CHMP1A: variants seen among roughly 807,000 people sequenced by gnomAD.
CHMP1A encodes charged multivesicular body protein 1A, also known as VPS46 homolog A.
Under a neutral mutation model 27.0 loss-of-function variants are expected in CHMP1A, and 17 were observed. That is an observed-to-expected ratio of 0.63 (90% CI 0.43 to 0.95). CHMP1A has a LOEUF of 0.95. Among genes scored for constraint, CHMP1A ranks in the 40% least tolerant of loss-of-function variants. The pLI is 0.00. For missense variants in CHMP1A, 275 were observed against 264.0 expected (o/e 1.04, Z -0.29); for synonymous variants, 131 against 107.5 (o/e 1.22, Z -1.35).
intron 3 of CHMP1A, 111 bp downstream of exon 3, chr16:89,651,458 C>T (rs1333006475): frequency 9.0e-6 from 7 of 775,518 alleles, no homozygotes; most frequent in African/African-American, 7.0e-5. Context: ...GTAGAAAGTG[C>T]CCTGCCCCTC....
At chr16:89,649,595 A>G (rs1441685299) in intron 3 of CHMP1A, 98 bp from the exon 4 acceptor site, 2 of 1,445,038 alleles carry the variant, frequency 1.4e-6, no homozygotes, top group East Asian at 2.5e-5. Context: ...GTTTTGTTTG[A>G]GACGGAGTCT....
chr16:89,647,041 G>A (rs750013591), intron 5 of CHMP1A, 162 bp downstream of exon 5: 46 of 1,525,436 alleles, frequency 3.0e-5, no homozygotes, highest in Non-Finnish European at 3.7e-5. Flanking sequence ...CTACCTGTCA[G>A]GGTCCTGGCA....
In CHMP1A at chr16:89,649,370, G is replaced by T; in HGVS notation, c.233C>A (p.Thr78Lys). 1 of 1,613,412 alleles carries T rather than the reference G, an allele frequency of 6.2e-7. No homozygotes were observed. Among genetic ancestry groups the T allele is most frequent in the South Asian group, 1.1e-5 (1 of 91,064 alleles). The change falls in exon 4 of 7, where the codon ACA becomes AAA. Residue 78 changes from threonine to lysine, a missense_variant. Transcript: ENST00000397901. ...ACTCACCCCCTTCATAGTCACAGCT[G>T]TCTGCACCTTGGAGGCCACTGCGTC... ...RVDAVASKVQ[T>K]AVTMKGVTKN...
intron 6 of CHMP1A, 106 bp downstream of exon 6, chr16:89,646,420 AG>A (rs2059774078): frequency 1.6e-6 from 2 of 1,253,200 alleles, no homozygotes; most frequent in African/African-American, 3.0e-5. Context: ...CCCTGGTCGG[AG>A]CCTCAGCCCA....
chr16:89,654,715 G>A (rs547085104), intron 1 of CHMP1A, among the ~76,000 whole-genome samples: 22 of 152,226 alleles, frequency 1.4e-4, no homozygotes, highest in African/African-American at 4.8e-4. Flanking sequence ...GGCCGAGGCC[G>A]GCGGAACATG....
In CHMP1A at chr16:89,653,890, C is replaced by T. The variant is rs2059843995; in HGVS notation, c.27+14G>A. ...CCAGAACAGGGCTGGGGTGAACGGC[C>T]ATTCGGTACATACCTTCAACTGGAA... On this transcript the variant is annotated intron_variant, in intron 2 of 6. Transcript: ENST00000397901. 3 of 1,613,222 alleles carry T rather than the reference C, an allele frequency of 1.9e-6. No homozygotes were observed. Among genetic ancestry groups the T allele is most frequent in the Non-Finnish European group, 1.7e-6 (2 of 1,179,398 alleles).
chr16:89,657,571 C>T lies in CHMP1A; in HGVS notation c.7+11G>A. 4 of 1,610,928 alleles carry T rather than the reference C, an allele frequency of 2.5e-6. No individual in the cohort carries two copies. The highest frequency in any genetic ancestry group is 3.4e-6 in the Non-Finnish European group (4 of 1,179,196). ...CGCGCGAGTCCCCGGAGGACGGCCGCGACCTCTTACCGTCCATGGCCACAA... is the reference window on the plus strand; with the variant it reads ...CGCGCGAGTCCCCGGAGGACGGCCGTGACCTCTTACCGTCCATGGCCACAA... On this transcript the variant is annotated intron_variant, in intron 1 of 6. Coordinates refer to ENST00000397901, the MANE Select transcript of CHMP1A (RefSeq NM_002768.5).
chr16:89,647,061 C>G (rs910698249), intron 5 of CHMP1A, 142 bp downstream of exon 5: 1 of 1,532,416 alleles, frequency 6.5e-7, no homozygotes, highest in African/African-American at 1.4e-5. Flanking sequence ...AGGGACCCAG[C>G]ACAGAGGATG....
chr16:89,653,992 C>G (rs2059844759), intron 1 of CHMP1A, 69 bp from the exon 2 acceptor site: 1 of 1,525,034 alleles, frequency 6.6e-7, no homozygotes, highest in East Asian at 2.3e-5. Flanking sequence ...GCAGGCAGGA[C>G]TCACTAGGTT....
intron 5 of CHMP1A, 187 bp downstream of exon 5, chr16:89,647,016 G>A (rs959794903): frequency 1.2e-5 from 18 of 1,503,224 alleles, no homozygotes; most frequent in South Asian, 4.9e-5. Flanking sequence ...GGAGGCCCCC[G>A]CCGCCCTGCC....
intron 6 of CHMP1A, 39 bp from the exon 7 acceptor site, chr16:89,646,126 A>AG: frequency 6.6e-6 from 10 of 1,511,846 alleles, no homozygotes; most frequent in Non-Finnish European, 8.0e-6. Context: ...GGGCAGGGGA[A>AG]GGGGGCCTCT....
chr16:89,651,681 G>A, intron 2 of CHMP1A, 35 bp from the exon 3 acceptor site: 1 of 1,607,104 alleles, frequency 6.2e-7, no homozygotes, highest in African/African-American at 1.3e-5. Flanking sequence ...GGTCAGACAT[G>A]CGGAGCCCAT....
chr16:89,657,639 C>A lies in CHMP1A; in HGVS notation c.-51G>T. On this transcript the variant is annotated 5_prime_UTR_variant, in exon 1 of 7. Coordinates refer to ENST00000397901, the MANE Select transcript of CHMP1A (RefSeq NM_002768.5). ...GGAGAGGGAGAAGGGACGCCAACTCCGGGCGGTGTCAGGTCCCGGCGGCGA... is the reference window on the plus strand; with the variant it reads ...GGAGAGGGAGAAGGGACGCCAACTCAGGGCGGTGTCAGGTCCCGGCGGCGA... The A allele has an allele frequency of 6.2e-7, 1 of 1,607,742 alleles. No individual in the cohort carries two copies.
intron 3 of CHMP1A, 59 bp downstream of exon 3, chr16:89,651,510 C>T: frequency 6.6e-7 from 1 of 1,523,384 alleles, no homozygotes; most frequent in Middle Eastern, 1.7e-4. Flanking sequence ...AAAATAAGGG[C>T]AGAAAAGGAC....
At chr16:89,655,878 G>A (rs939772568) in intron 1 of CHMP1A, among the ~76,000 whole-genome samples, 11 of 152,164 alleles carry the variant, frequency 7.2e-5, no homozygotes, top group South Asian at 2.1e-4. Flanking sequence ...AACCAACCTC[G>A]GCCTCCCAAA....
Position 89,646,582 on chromosome 16 carries a change from C to A in CHMP1A, c.514G>T (p.Ala172Ser). 1 of 1,597,760 alleles carries A rather than the reference C, an allele frequency of 6.3e-7. No individual in the cohort carries two copies. The highest frequency in any genetic ancestry group is 1.1e-5 in the South Asian group (1 of 87,974). ...LDQLSQLPEG[A>S]SAVGESSVRS... ...ACAGAGCTCTCGCCCACGGCAGAGG[C>A]GCCCTCGGGCAGCTGGCTGAGCTGG... The change falls in exon 6 of 7, where the codon GCC (alanine) becomes TCC (serine). Residue 172 changes from alanine (A) to serine (S), a missense_variant. Ala to Ser is a moderately conservative substitution (Grantham distance 99). Coordinates refer to ENST00000397901, the MANE Select transcript of CHMP1A (RefSeq NM_002768.5).
intron 5 of CHMP1A, 78 bp from the exon 6 acceptor site, chr16:89,646,792 T>C (rs895639007): frequency 1.4e-6 from 2 of 1,462,458 alleles, no homozygotes; most frequent in Non-Finnish European, 1.9e-6. Flanking sequence ...AGGGTACGAC[T>C]GCACTTTTCG....
chr16:89,657,540 GC>G, intron 1 of CHMP1A, 41 bp downstream of exon 1: 4 of 1,607,916 alleles, frequency 2.5e-6, no homozygotes, highest in South Asian at 1.1e-5. Flanking sequence ...AAGCGGCCCC[GC>G]CCCGCGCGCG....
Position 89,657,592 on chromosome 16 carries a change from C to G in CHMP1A, c.-4G>C, listed in dbSNP as rs1292737944. 1 of 1,611,208 alleles carries G rather than the reference C, an allele frequency of 6.2e-7. No homozygotes were observed. The highest frequency in any genetic ancestry group is 1.3e-5 in the African/African-American group (1 of 74,764). On this transcript the variant is annotated 5_prime_UTR_variant, in exon 1 of 7. Transcript: ENST00000397901. Reference sequence around the variant, plus strand: ...GCCGCGACCTCTTACCGTCCATGGCCACAATGACAGGAGCAGCACTCGGAG... The same window carrying G: ...GCCGCGACCTCTTACCGTCCATGGCGACAATGACAGGAGCAGCACTCGGAG...
Sources: gnomAD v4.1 joint callset for allele counts (sites outside exome capture counted in the v4.1 genomes callset) on GRCh38, gnomAD v4.1.1 for gene constraint, MANE v1.5 for transcripts, NCBI Gene and HGNC (gene_info 2026-07-23, HGNC 2026-07-21) for gene names.